PKD1L1: variants seen among roughly 807,000 people sequenced by gnomAD.
The protein encoded by PKD1L1 is polycystin-1-like protein 1.
PKD1L1 carries 236 observed loss-of-function variants against 323.4 expected under a neutral mutation model. The ratio of observed to expected loss-of-function variants is 0.73; its 90% CI spans 0.66 to 0.81. The LOEUF (loss-of-function observed/expected upper bound fraction) is 0.81. Among genes scored for constraint, PKD1L1 ranks in the 40% least tolerant of loss-of-function variants. PKD1L1 has a pLI of 0.00. For missense variants in PKD1L1, 3,320 were observed against 3,508.0 expected (o/e 0.95, Z 1.35); for synonymous variants, 1,344 against 1,335.0 (o/e 1.01, Z -0.15).
At chr7:47,880,576 C>T (rs907671532) in intron 21 of PKD1L1, 152 bp downstream of exon 21, 1 of 349,600 alleles carries the variant, frequency 2.9e-6, no homozygotes, top group Non-Finnish European at 4.9e-6. Context: ...GCCACTGTGC[C>T]CAGCCCTATA....
intron 56 of PKD1L1, among the ~76,000 whole-genome samples, chr7:47,780,238 G>A (rs1227933501): frequency 6.6e-6 from 1 of 152,118 alleles, no homozygotes; most frequent in Non-Finnish European, 1.5e-5. Flanking sequence ...TCCTTTTATA[G>A]ATGCACCTAA....
chr7:47,861,803 C>A (rs1038872077), intron 26 of PKD1L1, among the ~76,000 whole-genome samples: 1 of 138,918 alleles, frequency 7.2e-6, no homozygotes, highest in Non-Finnish European at 1.5e-5. Context: ...ATGGCGTGAA[C>A]CTGGGAGACA....
intron 55 of PKD1L1, among the ~76,000 whole-genome samples, chr7:47,793,498 C>T (rs6969511): frequency 0.75 from 113,745 of 152,174 alleles, 42,676 homozygotes; most frequent in Non-Finnish European, 0.77. Flanking sequence ...GCCACTGCCA[C>T]GTAAGATGTG....
chr7:47,809,680 T>C (rs1361021964), intron 50 of PKD1L1, 103 bp from the exon 51 acceptor site: 3 of 790,066 alleles, frequency 3.8e-6, no homozygotes, highest in East Asian at 5.7e-5. Context: ...CACCTTTGAG[T>C]AGCTAGGATG....
At chr7:47,844,347 A>T (rs1785622078) in intron 33 of PKD1L1, among the ~76,000 whole-genome samples, 1 of 152,214 alleles carries the variant, frequency 6.6e-6, no homozygotes, top group Admixed American at 6.5e-5. Flanking sequence ...AGGAGAAAAA[A>T]ATTTAACACT....
chr7:47,790,168 C>A lies in PKD1L1; in HGVS notation c.8526+2459G>T, dbSNP rs145272614. Among the ~76,000 whole-genome samples, 270 of 151,984 alleles carry A rather than the reference C, an allele frequency of 1.8e-3. 5 individuals carry two copies. The highest frequency in any genetic ancestry group is 6.4e-3 in the African/African-American group (265 of 41,466). ...CCTCCCGAAGTGCTATGATTACGGGCGTGAGCCACTGCGCCTGACCCAATT... is the reference window on the plus strand; with the variant it reads ...CCTCCCGAAGTGCTATGATTACGGGAGTGAGCCACTGCGCCTGACCCAATT... On this transcript the variant is annotated intron_variant, in intron 56 of 56. Coordinates refer to ENST00000289672, the MANE Select transcript of PKD1L1 (RefSeq NM_138295.5).
intron 2 of PKD1L1, among the ~76,000 whole-genome samples, chr7:47,941,583 TCCTGG>T (rs1787986091): frequency 6.6e-6 from 1 of 152,266 alleles, no homozygotes; most frequent in South Asian, 2.1e-4. Flanking sequence ...AAGGCCGTGT[TCCTGG>T]CCTAATATGT....
In PKD1L1 at chr7:47,890,757, G is replaced by A; in HGVS notation, c.2460C>T (p.His820=). 6.2e-7 allele frequency: 1 copy of A among 1,612,238 alleles called. No individual in the cohort carries two copies. Among genetic ancestry groups the A allele is most frequent in the East Asian group, 2.2e-5 (1 of 44,874 alleles). The change falls in exon 16 of 57, where the codon CAC becomes CAT. Residue 820 remains histidine (H), a synonymous_variant. Transcript: ENST00000289672. ...GGGAGCCAGCGGTGGCGCATTCCCA[G>A]TGATACCTGTTGGAGAAGTCATCGG... The part of the protein sequence containing the change: ...PDDPGATLRY[H]WECATAGSPA...
At chr7:47,958,863 T>C in the PKD1L1 span, among the ~76,000 whole-genome samples, 443 of 152,240 alleles carry the variant, frequency 2.9e-3, 5 homozygotes, top group African/African-American at 9.9e-3. Context: ...GGTCTCCCAC[T>C]GATGCCGAGC....
At chr7:47,918,936 A>T (rs991719620) in intron 7 of PKD1L1, among the ~76,000 whole-genome samples, 2 of 152,212 alleles carry the variant, frequency 1.3e-5, no homozygotes, top group African/African-American at 2.4e-5. Flanking sequence ...ACAAACAGAC[A>T]ATCTAAGGTC....
intron 7 of PKD1L1, among the ~76,000 whole-genome samples, chr7:47,927,257 A>G (rs1011606341): frequency 2.6e-5 from 4 of 151,430 alleles, no homozygotes; most frequent in African/African-American, 9.7e-5. Flanking sequence ...TAACAAATTG[A>G]AAAAAAAAGT....
At chr7:47,852,852 C>A (rs1376053562) in intron 31 of PKD1L1, among the ~76,000 whole-genome samples, 1 of 151,998 alleles carries the variant, frequency 6.6e-6, no homozygotes, top group Non-Finnish European at 1.5e-5. Context: ...ACAAGCAGAG[C>A]CCTAAGGATC....
chr7:47,885,627 C>T, intron 18 of PKD1L1, 59 bp downstream of exon 18: 1 of 1,549,668 alleles, frequency 6.5e-7, no homozygotes, highest in Non-Finnish European at 8.7e-7. Context: ...TTCACTGCTT[C>T]CAAAGGTAAC....
intron 45 of PKD1L1, among the ~76,000 whole-genome samples, chr7:47,823,801 G>A (rs1371639929): frequency 6.6e-6 from 1 of 152,160 alleles, no homozygotes; most frequent in Non-Finnish European, 1.5e-5. Flanking sequence ...CCCCCCTCCT[G>A]TTATGTGGTT....
At position 47,843,145 on chromosome 7, in the gene PKD1L1, A is replaced by G. The variant is rs750439250; in HGVS notation, c.5262T>C (p.Ser1754=). 3 of 1,612,234 alleles carry G rather than the reference A, an allele frequency of 1.9e-6. No individual in the cohort carries two copies. Among genetic ancestry groups the G allele is most frequent in the South Asian group, 1.1e-5 (1 of 90,558 alleles). The change falls in exon 34 of 57, where the codon AGT becomes AGC. Residue 1754 remains serine (S), a synonymous_variant. Transcript: ENST00000289672. ...LQSHPENLLP[S]IFIMGSVILY... is the part of the protein sequence containing the mutation. ...GAATCACAGAACCCATAATAAAAATACTGGGAAGCAAGTTTTCTGGGTGGC... is the reference window on the plus strand; with the variant it reads ...GAATCACAGAACCCATAATAAAAATGCTGGGAAGCAAGTTTTCTGGGTGGC...
chr7:47,806,954 G>A (rs1214097011), intron 52 of PKD1L1, among the ~76,000 whole-genome samples: 2 of 152,038 alleles, frequency 1.3e-5, no homozygotes, highest in Non-Finnish European at 2.9e-5. Context: ...TGGTGCAAGC[G>A]GGACACACAC....
chr7:47,942,440 C>T (rs891075236), intron 2 of PKD1L1, among the ~76,000 whole-genome samples: 1 of 151,300 alleles, frequency 6.6e-6, no homozygotes, highest in African/African-American at 2.4e-5. Context: ...TCCTGCCCCG[C>T]GCCCCCGCCC....
In PKD1L1 at chr7:47,948,462, A is replaced by G. The variant is rs1788146800; in HGVS notation, c.-22T>C. The stretch of plus-strand genomic sequence containing the variant: ...CCATGTCCTGTGCAAGCTGGTCACA[A>G]GTATGACAGTCAGCAGACCAGCTTC... On this transcript the variant is annotated 5_prime_UTR_variant, in exon 1 of 57. Coordinates refer to ENST00000289672, the MANE Select transcript of PKD1L1 (RefSeq NM_138295.5). 6 of 1,613,736 alleles carry G rather than the reference A, an allele frequency of 3.7e-6. No homozygotes were observed. Among genetic ancestry groups the G allele is most frequent in the Non-Finnish European group, 5.1e-6 (6 of 1,179,792 alleles).
intron 56 of PKD1L1, among the ~76,000 whole-genome samples, chr7:47,779,482 G>T (rs1364997204): frequency 6.6e-6 from 1 of 152,202 alleles, no homozygotes; most frequent in Non-Finnish European, 1.5e-5. Flanking sequence ...CTCAGCTCCT[G>T]TATCTCTGTG....
Sources: gnomAD v4.1 joint callset for allele counts (sites outside exome capture counted in the v4.1 genomes callset) on GRCh38, gnomAD v4.1.1 for gene constraint, MANE v1.5 for transcripts, NCBI Gene and HGNC (gene_info 2026-07-23, HGNC 2026-07-21) for gene names.